The following CNTNAP2 variants were observed in gnomAD, a reference collection of about 807,000 sequenced individuals.
The protein encoded by CNTNAP2 is contactin associated protein 2.
CNTNAP2 carries 98 observed loss-of-function variants against 155.2 expected under a neutral mutation model. That is an observed-to-expected ratio of 0.63 (90% CI 0.54 to 0.75). The LOEUF (loss-of-function observed/expected upper bound fraction) is 0.75. Among genes scored for constraint, CNTNAP2 ranks in the 30% least tolerant of loss-of-function variants. The probability of loss-of-function intolerance (pLI) is 0.00; values close to 1 mark genes in which losing one functional copy is unlikely to be tolerated. For missense variants in CNTNAP2, 1,727 were observed against 1,688.1 expected, an observed-to-expected ratio of 1.02 and a Z score of -0.40; for synonymous variants, 651 against 631.2, an observed-to-expected ratio of 1.03 and a Z score of -0.47.
At chr7:146,356,820 A>G (rs923209478) in intron 1 of CNTNAP2, among the ~76,000 whole-genome samples, 1 of 152,016 alleles carries the variant, frequency 6.6e-6, no homozygotes. Context: ...AAACACACAC[A>G]CGCACTTTCT....
chr7:146,262,416 C>T (rs1188667261), intron 1 of CNTNAP2, among the ~76,000 whole-genome samples: 1 of 152,048 alleles, frequency 6.6e-6, no homozygotes, highest in African/African-American at 2.4e-5. Context: ...AATTTCCTTC[C>T]CCTAGATGGT....
chr7:146,721,889 A>ATATTT, intron 1 of CNTNAP2, among the ~76,000 whole-genome samples: 1 of 69,738 alleles, frequency 1.4e-5, no homozygotes, highest in Non-Finnish European at 2.4e-5. Context: ...ATATATATAT[A>ATATTT]TTTTTTTTTT....
intron 13 of CNTNAP2, among the ~76,000 whole-genome samples, chr7:147,850,877 C>T (rs1393836091): frequency 6.6e-6 from 1 of 152,154 alleles, no homozygotes; most frequent in African/African-American, 2.4e-5. Context: ...GACTTCATGT[C>T]TAAAACACCA....
Position 146,778,833 on chromosome 7 carries a change from C to A in CNTNAP2, c.208+4452C>A, listed in dbSNP as rs192461171. Among the ~76,000 whole-genome samples the A allele has an allele frequency of 2.1e-3, 324 of 152,276 alleles. 2 individuals are homozygous for A. Among genetic ancestry groups the A allele is most frequent in the African/African-American group, 7.5e-3 (310 of 41,542 alleles). On this transcript the variant is annotated intron_variant, in intron 2 of 23. Transcript: ENST00000361727. The stretch of plus-strand genomic sequence containing the variant: ...CATATGCCTTTTGTAGAAATCAGTC[C>A]TTTTCTTCTGCCAGAGAGACAGCCA...
At chr7:147,651,371 C>T (rs961492271) in intron 13 of CNTNAP2, among the ~76,000 whole-genome samples, 10 of 152,232 alleles carry the variant, frequency 6.6e-5, no homozygotes, top group African/African-American at 9.6e-5. Flanking sequence ...ACTGTAATTA[C>T]ATTTACAAAA....
At chr7:146,347,660 G>A (rs1216997206) in intron 1 of CNTNAP2, among the ~76,000 whole-genome samples, 1 of 152,122 alleles carries the variant, frequency 6.6e-6, no homozygotes, top group Non-Finnish European at 1.5e-5. Flanking sequence ...CCACCTCCCT[G>A]CTTCAAGCGA....
At chr7:146,305,098 C>T in intron 1 of CNTNAP2, among the ~76,000 whole-genome samples, 1 of 152,102 alleles carries the variant, frequency 6.6e-6, no homozygotes, top group East Asian at 1.9e-4. Flanking sequence ...ACGTCGTTCT[C>T]ATGCCATGGT....
At chr7:146,582,991 C>A (rs528249813) in intron 1 of CNTNAP2, among the ~76,000 whole-genome samples, 1 of 151,216 alleles carries the variant, frequency 6.6e-6, no homozygotes, top group Non-Finnish European at 1.5e-5. Context: ...CGAGGCAACA[C>A]TATGGCATTT....
intron 3 of CNTNAP2, among the ~76,000 whole-genome samples, chr7:146,952,668 C>G (rs1269022567): frequency 6.6e-6 from 1 of 152,080 alleles, no homozygotes; most frequent in Non-Finnish European, 1.5e-5. Context: ...TGAGTGAACT[C>G]CCATTCACAA....
At chr7:146,873,852 T>C (rs1483963375) in intron 3 of CNTNAP2, among the ~76,000 whole-genome samples, 1 of 152,118 alleles carries the variant, frequency 6.6e-6, no homozygotes, top group African/African-American at 2.4e-5. Context: ...TGAGTGACTA[T>C]TATGTGGAGG....
At chr7:147,554,591 C>A (rs1283129932) in intron 11 of CNTNAP2, among the ~76,000 whole-genome samples, 1 of 151,968 alleles carries the variant, frequency 6.6e-6, no homozygotes, top group African/African-American at 2.4e-5. Context: ...GAAACTTTGT[C>A]TTTTTTAAAA....
At chr7:148,190,217 G>A (rs1398491577) in intron 18 of CNTNAP2, 1 of 152,264 alleles carries the variant, frequency 6.6e-6, no homozygotes, top group Non-Finnish European at 1.5e-5. Flanking sequence ...GATTGCCCAG[G>A]AAAGCAGTCA....
intron 1 of CNTNAP2, among the ~76,000 whole-genome samples, chr7:146,744,073 C>T (rs1187235871): frequency 6.6e-6 from 1 of 151,268 alleles, no homozygotes; most frequent in Non-Finnish European, 1.5e-5. Flanking sequence ...CTAAAAAATA[C>T]AAAAAATAGC....
intron 20 of CNTNAP2, among the ~76,000 whole-genome samples, chr7:148,251,864 G>A (rs1001215595): frequency 2.0e-5 from 3 of 152,292 alleles, no homozygotes; most frequent in Admixed American, 2.0e-4. Flanking sequence ...GGAGTGTGCA[G>A]CCTTGCCTCA....
chr7:147,954,345 G>A (rs1484192028), intron 14 of CNTNAP2, among the ~76,000 whole-genome samples: 1 of 151,974 alleles, frequency 6.6e-6, no homozygotes. Flanking sequence ...GCTCACAAGT[G>A]ACCTAGCATT....
At chr7:148,085,566 T>C (rs886599237) in intron 15 of CNTNAP2, among the ~76,000 whole-genome samples, 1 of 152,206 alleles carries the variant, frequency 6.6e-6, no homozygotes, top group African/African-American at 2.4e-5. Flanking sequence ...ATTGAAAAGA[T>C]TATTAGTTAG....
chr7:146,582,734 A>T (rs1798630144), intron 1 of CNTNAP2, among the ~76,000 whole-genome samples: 1 of 152,100 alleles, frequency 6.6e-6, no homozygotes, highest in African/African-American at 2.4e-5. Context: ...ATTTTCATAG[A>T]TTTCACCTAG....
intron 3 of CNTNAP2, among the ~76,000 whole-genome samples, chr7:146,980,995 C>A (rs1798004968): frequency 3.3e-5 from 5 of 152,118 alleles, no homozygotes. Flanking sequence ...CACTTCTACT[C>A]ATATTCCCTA....
intron 13 of CNTNAP2, among the ~76,000 whole-genome samples, chr7:147,665,532 G>C (rs1795678884): frequency 1.3e-5 from 2 of 152,116 alleles, no homozygotes; most frequent in African/African-American, 4.8e-5. Context: ...GGTAACTTGT[G>C]CCATGGGTTT....
Sources: gnomAD v4.1 joint callset for allele counts (sites outside exome capture counted in the v4.1 genomes callset) on GRCh38, gnomAD v4.1.1 for gene constraint, MANE v1.5 for transcripts, NCBI Gene and HGNC (gene_info 2026-07-23, HGNC 2026-07-21) for gene names.